The following CDKAL1 variants were observed in gnomAD, a reference collection of about 807,000 sequenced individuals.
CDKAL1 encodes the protein CDKAL1 threonylcarbamoyladenosine tRNA methylthiotransferase.
CDKAL1 carries 32 observed loss-of-function variants against 68.2 expected under a neutral mutation model. That is an observed-to-expected ratio of 0.47 (90% CI 0.35 to 0.63). The LOEUF (loss-of-function observed/expected upper bound fraction) is 0.63. Ranked by LOEUF, CDKAL1 falls within the 30% of genes least tolerant of loss-of-function variation. The pLI, the probability that CDKAL1 is intolerant of heterozygous loss-of-function variation, is 0.00. For missense variants in CDKAL1, 606 were observed against 696.7 expected (o/e 0.87, Z 1.47); for synonymous variants, 234 against 244.3 (o/e 0.96, Z 0.39).
chr6:21,163,396 G>A (rs530765329), intron 13 of CDKAL1, among the ~76,000 whole-genome samples: 56 of 152,142 alleles, frequency 3.7e-4, no homozygotes, highest in African/African-American at 1.3e-3. Flanking sequence ...ACAAACACCC[G>A]CTTGGGGCCA....
At chr6:21,095,670 C>T (rs900612946) in intron 12 of CDKAL1, among the ~76,000 whole-genome samples, 7 of 151,654 alleles carry the variant, frequency 4.6e-5, no homozygotes, top group African/African-American at 1.7e-4. Flanking sequence ...AATTTTCATC[C>T]ACTGGCTATC....
chr6:20,590,053 A>G (rs995504845), intron 4 of CDKAL1, among the ~76,000 whole-genome samples: 1 of 152,204 alleles, frequency 6.6e-6, no homozygotes, highest in Non-Finnish European at 1.5e-5. Flanking sequence ...AATGAATTTA[A>G]ATGAAAATAT....
At chr6:20,701,485 G>GA (rs1771357826) in intron 5 of CDKAL1, among the ~76,000 whole-genome samples, 1 of 152,126 alleles carries the variant, frequency 6.6e-6, no homozygotes, top group Admixed American at 6.5e-5. Context: ...CCTTCCTGTA[G>GA]ATACATGAGT....
At chr6:21,114,907 C>T (rs951432019) in intron 13 of CDKAL1, among the ~76,000 whole-genome samples, 1 of 152,120 alleles carries the variant, frequency 6.6e-6, no homozygotes, top group African/African-American at 2.4e-5. Flanking sequence ...ACCTTAAGAA[C>T]TGTTGTTAAT....
rs574904006 is a variant in CDKAL1, at chr6:20,737,573, G to A, written c.372-1946G>A. The stretch of plus-strand genomic sequence containing the variant: ...AGTTCTTGAAAAACTTGATGTTAAC[G>A]TCTTTGTATACATGGCTAATGAAAA... On this transcript the variant is annotated intron_variant, in intron 5 of 15. Transcript: ENST00000274695. Among the ~76,000 whole-genome samples, 9 of 152,174 alleles carry A rather than the reference G, an allele frequency of 5.9e-5. No homozygotes were observed. In the East Asian group the frequency reaches 1.7e-3, roughly 29 times the overall value.
chr6:20,625,242 A>C (rs1767374208), intron 4 of CDKAL1, among the ~76,000 whole-genome samples: 1 of 152,122 alleles, frequency 6.6e-6, no homozygotes, highest in African/African-American at 2.4e-5. Flanking sequence ...CACTTCAGCA[A>C]ACTTCTTTTG....
intron 6 of CDKAL1, chr6:20,756,898 T>TC (rs1554115817): frequency 3.9e-5 from 4 of 102,378 alleles, no homozygotes; most frequent in African/African-American, 1.4e-4. Context: ...CTTCCTTCCT[T>TC]CCTTCCTTCC....
At chr6:21,065,288 G>C (rs1385361184) in intron 12 of CDKAL1, 60 bp downstream of exon 12, 7 of 1,266,656 alleles carry the variant, frequency 5.5e-6, no homozygotes, top group Non-Finnish European at 7.9e-6. Context: ...ATGCAGCTGT[G>C]TTGCCTACCT....
At chr6:20,840,154 C>A (rs745615108) in intron 8 of CDKAL1, among the ~76,000 whole-genome samples, 1 of 152,140 alleles carries the variant, frequency 6.6e-6, no homozygotes, top group African/African-American at 2.4e-5. Flanking sequence ...TCAGTTTCCT[C>A]TACGGAAGAA....
At chr6:20,899,514 G>A (rs1320399731) in intron 9 of CDKAL1, among the ~76,000 whole-genome samples, 1 of 151,860 alleles carries the variant, frequency 6.6e-6, no homozygotes, top group Non-Finnish European at 1.5e-5. Context: ...TATTTACCTG[G>A]TACAATGCTA....
intron 9 of CDKAL1, among the ~76,000 whole-genome samples, chr6:20,854,242 T>C (rs1231136585): frequency 2.6e-5 from 4 of 152,186 alleles, no homozygotes. Context: ...AGAATCCCTC[T>C]CACTAAGTTT....
intron 10 of CDKAL1, among the ~76,000 whole-genome samples, chr6:20,963,236 A>G (rs896448788): frequency 1.6e-4 from 24 of 152,096 alleles, no homozygotes; most frequent in Non-Finnish European, 3.1e-4. Context: ...GGCTCTACCT[A>G]ACATTCTAAC....
At chr6:21,171,364 C>A (rs1305974211) in intron 13 of CDKAL1, among the ~76,000 whole-genome samples, 1 of 151,938 alleles carries the variant, frequency 6.6e-6, no homozygotes, top group Non-Finnish European at 1.5e-5. Context: ...AGGCGCCCAC[C>A]ACCACACCTG....
chr6:20,957,968 CAAAA>C (rs60301451), intron 10 of CDKAL1, among the ~76,000 whole-genome samples: 12 of 67,430 alleles, frequency 1.8e-4, no homozygotes, highest in Non-Finnish European at 3.0e-4. Context: ...AAGATTATCT[CAAAA>C]AAAAAAAAAA....
chr6:21,207,680 T>C (rs1054519771), intron 15 of CDKAL1, among the ~76,000 whole-genome samples: 1 of 152,206 alleles, frequency 6.6e-6, no homozygotes, highest in Admixed American at 6.5e-5. Flanking sequence ...ACCTCAGTTC[T>C]CCCTATGTAA....
intron 10 of CDKAL1, among the ~76,000 whole-genome samples, chr6:20,977,456 C>A (rs994247643): frequency 1.3e-5 from 2 of 152,148 alleles, no homozygotes; most frequent in South Asian, 4.1e-4. Flanking sequence ...ACCATGTGAA[C>A]TTAGGCAAAT....
At chr6:20,542,256 C>T (rs1488655778) in intron 2 of CDKAL1, among the ~76,000 whole-genome samples, 1 of 152,166 alleles carries the variant, frequency 6.6e-6, no homozygotes, top group Non-Finnish European at 1.5e-5. Context: ...TTGAGGACAA[C>T]TGAAAGAATG....
At chr6:20,686,084 G>T (rs1770604365) in intron 5 of CDKAL1, among the ~76,000 whole-genome samples, 2 of 143,408 alleles carry the variant, frequency 1.4e-5, no homozygotes. Context: ...TTGTTTTAAG[G>T]TTTTTTTTTT....
chr6:20,861,046 G>T (rs1448714334), intron 9 of CDKAL1, among the ~76,000 whole-genome samples: 1 of 150,862 alleles, frequency 6.6e-6, no homozygotes, highest in Admixed American at 6.6e-5. Context: ...TTTGCCAGTA[G>T]TGAAGTGACA....
Sources: gnomAD v4.1 joint callset for allele counts (sites outside exome capture counted in the v4.1 genomes callset) on GRCh38, gnomAD v4.1.1 for gene constraint, MANE v1.5 for transcripts, NCBI Gene and HGNC (gene_info 2026-07-23, HGNC 2026-07-21) for gene names.